TRPM8: variants seen among roughly 807,000 people sequenced by gnomAD.
TRPM8 encodes the protein transient receptor potential cation channel subfamily M member 8.
Under a neutral mutation model 133.7 loss-of-function variants are expected in TRPM8, and 110 were observed. The ratio of observed to expected loss-of-function variants is 0.82; its 90% CI spans 0.70 to 0.96. TRPM8 has a LOEUF of 0.96. Ranked by LOEUF, TRPM8 falls within the 40% of genes least tolerant of loss-of-function variation. The probability of loss-of-function intolerance (pLI) is 0.00; values close to 1 mark genes in which losing one functional copy is unlikely to be tolerated. For synonymous variants in TRPM8, 535 were observed against 532.3 expected, an observed-to-expected ratio of 1.01 and a Z score of -0.07; for missense variants, 1,291 against 1,379.5, an observed-to-expected ratio of 0.94 and a Z score of 1.02.
At chr2:233,946,110 A>G (rs1691038152) in intron 7 of TRPM8, 80 bp downstream of exon 7, 17 of 1,340,732 alleles carry the variant, frequency 1.3e-5, no homozygotes, top group Non-Finnish European at 1.8e-5. Context: ...ACTACCAACT[A>G]TTGAGTGATG....
In TRPM8 at chr2:233,970,340, C is replaced by T. The variant is rs373972120; in HGVS notation, c.2269C>T (p.Leu757Phe). The T allele has an allele frequency of 6.2e-7, 1 of 1,614,184 alleles. No individual in the cohort carries two copies. Among genetic ancestry groups the T allele is most frequent in the Non-Finnish European group, 8.5e-7 (1 of 1,180,032 alleles). Residue 757 changes from leucine (L) to phenylalanine (F), a missense_variant, in exon 17 of 26, where the codon CTC (leucine) becomes TTC (phenylalanine). Coordinates refer to ENST00000324695, the MANE Select transcript of TRPM8 (RefSeq NM_024080.5). ...AFLLLFAYVL[L>F]MDFHSVPHPP... ...CCTCCTGCTGTTTGCCTACGTGCTG[C>T]TCATGGATTTCCATTCGGTGCCACA...
intron 9 of TRPM8, among the ~76,000 whole-genome samples, chr2:233,951,653 T>G (rs370868651): frequency 6.6e-6 from 1 of 152,190 alleles, no homozygotes; most frequent in Non-Finnish European, 1.5e-5. Context: ...ATATTATCCT[T>G]TCTGCAATTC....
intron 11 of TRPM8, among the ~76,000 whole-genome samples, chr2:233,960,479 A>G (rs1559529482): frequency 6.6e-6 from 1 of 152,066 alleles, no homozygotes; most frequent in East Asian, 1.9e-4. Flanking sequence ...TTATCTCTAC[A>G]TGGGTGTATT....
Position 233,926,521 on chromosome 2 carries a change from C to A in TRPM8, c.-5-12C>A, listed in dbSNP as rs200972305. 3.2e-5 allele frequency: 51 copies of A among 1,604,918 alleles called. 1 individual carries two copies. In the South Asian group the frequency reaches 4.6e-4, roughly 15 times the overall value. ...TGTAACCCAAACTTATCCCCTCCAA[C>A]CATCGTCACAGAAAAGATGTCCTTT... On this transcript the variant is annotated splice_polypyrimidine_tract_variant and intron_variant, in intron 1 of 25. Transcript: ENST00000324695.
chr2:233,921,819 C>T lies in TRPM8; in HGVS notation c.-6+4387C>T, dbSNP rs539391882. Among the ~76,000 whole-genome samples the T allele has an allele frequency of 2.6e-5, 4 of 151,132 alleles. No individual in the cohort carries two copies. In the South Asian group the frequency reaches 8.4e-4, roughly 32 times the overall value. Reference sequence around the variant, plus strand: ...CCAAGTACCTGGGATTACAGGTGCCCGCCACCACACCCAGCTAATATTTTT... The same window carrying T: ...CCAAGTACCTGGGATTACAGGTGCCTGCCACCACACCCAGCTAATATTTTT... On this transcript the variant is annotated intron_variant, in intron 1 of 25. Coordinates refer to ENST00000324695, the MANE Select transcript of TRPM8 (RefSeq NM_024080.5).
chr2:233,994,200 G>A (rs1426777803), intron 21 of TRPM8, among the ~76,000 whole-genome samples: 2 of 152,180 alleles, frequency 1.3e-5, no homozygotes, highest in African/African-American at 2.4e-5. Flanking sequence ...GCATGCACAC[G>A]TGTCTCGTTG....
At chr2:233,999,608 A>G (rs888399557) in intron 22 of TRPM8, among the ~76,000 whole-genome samples, 1 of 151,742 alleles carries the variant, frequency 6.6e-6, no homozygotes. Flanking sequence ...CCCCCACCCA[A>G]TGCTGGTTTA....
At chr2:233,967,212 T>C (rs933815283) in intron 15 of TRPM8, among the ~76,000 whole-genome samples, 6 of 152,234 alleles carry the variant, frequency 3.9e-5, no homozygotes, top group African/African-American at 1.4e-4. Context: ...CTATTGCTAT[T>C]GCAGTTATTA....
intron 1 of TRPM8, among the ~76,000 whole-genome samples, chr2:233,921,512 C>T (rs1403705483): frequency 2.0e-5 from 3 of 152,090 alleles, no homozygotes; most frequent in Non-Finnish European, 4.4e-5. Flanking sequence ...AGATGAGGGC[C>T]GCCATCCAGA....
intron 8 of TRPM8, among the ~76,000 whole-genome samples, chr2:233,948,957 C>T (rs984566395): frequency 2.6e-5 from 4 of 152,202 alleles, no homozygotes; most frequent in Non-Finnish European, 5.9e-5. Flanking sequence ...TCGCTTGAAC[C>T]CAGAAGCTGG....
chr2:233,935,461 AT>A (rs1194731076), intron 3 of TRPM8, among the ~76,000 whole-genome samples: 2 of 152,096 alleles, frequency 1.3e-5, no homozygotes, highest in Non-Finnish European at 2.9e-5. Context: ...CACAAACTTT[AT>A]TGTGGGGTCT....
At chr2:233,957,248 G>A (rs748690412) in intron 11 of TRPM8, among the ~76,000 whole-genome samples, 16 of 152,114 alleles carry the variant, frequency 1.1e-4, no homozygotes, top group Non-Finnish European at 2.2e-4. Flanking sequence ...CACTTTGAGA[G>A]GCCAAGGCGA....
At chr2:233,933,303 A>G (rs1691717566) in intron 3 of TRPM8, among the ~76,000 whole-genome samples, 1 of 152,196 alleles carries the variant, frequency 6.6e-6, no homozygotes, top group Non-Finnish European at 1.5e-5. Flanking sequence ...GCTATTGATC[A>G]TTTGAAATGT....
At chr2:233,918,690 G>C (rs903263334) in intron 1 of TRPM8, among the ~76,000 whole-genome samples, 3 of 152,152 alleles carry the variant, frequency 2.0e-5, no homozygotes, top group African/African-American at 7.2e-5. Flanking sequence ...GAGGCAATTA[G>C]AAAAACAGGA....
In TRPM8 at chr2:233,926,624, T is replaced by C. The variant is rs1691522332; in HGVS notation, c.87T>C (p.Ser29=). 1 of 1,614,070 alleles carries C rather than the reference T, an allele frequency of 6.2e-7. No individual in the cohort carries two copies. ...DSTRTLYSSA[S]RSTDLSYSES... is the part of the protein sequence containing the mutation. ...CCCGGACCCTGTACTCCAGCGCGTC[T>C]CGGAGCACAGACTTGTCTTACAGTG... Residue 29 remains serine (S), a synonymous_variant, in exon 2 of 26, where the codon TCT becomes TCC. Coordinates refer to ENST00000324695, the MANE Select transcript of TRPM8 (RefSeq NM_024080.5).
chr2:233,929,772 G>C (rs1420245518), intron 2 of TRPM8: 2 of 152,226 alleles, frequency 1.3e-5, no homozygotes, highest in Admixed American at 1.3e-4. Context: ...GGCAATAGTG[G>C]ACAATATTCA....
chr2:233,927,851 CCTTTCTTTCTCTTTCTTT>C (rs1280410311), intron 2 of TRPM8, among the ~76,000 whole-genome samples: 2 of 37,586 alleles, frequency 5.3e-5, no homozygotes, highest in African/African-American at 3.9e-4. Flanking sequence ...TTCCTTCCTT[CCTTTCTTTCTCTTTCTTT>C]CTTTCTTTCT....
At chr2:233,919,165 G>A (rs1400276804) in intron 1 of TRPM8, among the ~76,000 whole-genome samples, 1 of 151,908 alleles carries the variant, frequency 6.6e-6, no homozygotes, top group Non-Finnish European at 1.5e-5. Context: ...CATGCCAGAA[G>A]CCTTTTTTTA....
intron 2 of TRPM8, among the ~76,000 whole-genome samples, chr2:233,927,594 G>A (rs781699627): frequency 6.6e-6 from 1 of 152,120 alleles, no homozygotes; most frequent in Non-Finnish European, 1.5e-5. Flanking sequence ...AGCTTTTCCA[G>A]CGTTTACCCC....
Sources: gnomAD v4.1 joint callset for allele counts (sites outside exome capture counted in the v4.1 genomes callset) on GRCh38, gnomAD v4.1.1 for gene constraint, MANE v1.5 for transcripts, NCBI Gene and HGNC (gene_info 2026-07-23, HGNC 2026-07-21) for gene names.